The following FSTL5 variants were observed in gnomAD, a reference collection of about 807,000 sequenced individuals.
The protein encoded by FSTL5 is follistatin-related protein 5.
FSTL5 carries 62 observed loss-of-function variants against 89.1 expected under a neutral mutation model. The observed-to-expected ratio is 0.70, with a 90% CI of 0.57 to 0.86. The LOEUF is 0.86. Among genes scored for constraint, FSTL5 ranks in the 40% least tolerant of loss-of-function variants. The probability of loss-of-function intolerance (pLI) is 0.00; values close to 1 mark genes in which losing one functional copy is unlikely to be tolerated. For missense variants in FSTL5, 1,057 were observed against 1,001.6 expected, an observed-to-expected ratio of 1.06 and a Z score of -0.75; for synonymous variants, 383 against 346.2, an observed-to-expected ratio of 1.11 and a Z score of -1.18.
chr4:161,472,138 G>A lies in FSTL5; in HGVS notation c.1608+8882C>T, dbSNP rs184035143. 9.5e-4 allele frequency among the ~76,000 whole-genome samples: 144 copies of A among 151,942 alleles called. 1 individual carries two copies. Among genetic ancestry groups the A allele is most frequent in the African/African-American group, 2.7e-3 (110 of 41,442 alleles). ...ACTACAGGTGCTGGCCACCACGCCC[G>A]GCTAATTTTTTTGTATTTTTAATAG... is the stretch of plus-strand genomic sequence containing the variant. On this transcript the variant is annotated intron_variant, in intron 13 of 15. Coordinates refer to ENST00000306100, the MANE Select transcript of FSTL5 (RefSeq NM_020116.5).
intron 6 of FSTL5, among the ~76,000 whole-genome samples, chr4:161,714,089 T>C (rs1259691285): frequency 6.6e-6 from 1 of 152,176 alleles, no homozygotes; most frequent in Non-Finnish European, 1.5e-5. Flanking sequence ...CTTTTTCTGT[T>C]TGTTGGTCAC....
intron 3 of FSTL5, among the ~76,000 whole-genome samples, chr4:161,935,263 G>C (rs929525227): frequency 6.6e-6 from 1 of 152,028 alleles, no homozygotes; most frequent in African/African-American, 2.4e-5. Context: ...TTGGACACTA[G>C]TAATTCCTAT....
At chr4:161,878,907 A>T (rs1353452908) in intron 4 of FSTL5, among the ~76,000 whole-genome samples, 1 of 152,202 alleles carries the variant, frequency 6.6e-6, no homozygotes, top group Non-Finnish European at 1.5e-5. Context: ...CAGCTTACAT[A>T]TGATGCTACT....
chr4:161,427,087 A>G (rs1340306641), intron 15 of FSTL5, among the ~76,000 whole-genome samples: 1 of 152,234 alleles, frequency 6.6e-6, no homozygotes, highest in East Asian at 1.9e-4. Flanking sequence ...TCTATATTAG[A>G]CACTAATGTT....
intron 15 of FSTL5, among the ~76,000 whole-genome samples, chr4:161,435,661 T>C (rs1409218989): frequency 6.6e-6 from 1 of 151,478 alleles, no homozygotes; most frequent in African/African-American, 2.4e-5. Context: ...TATTATGCAT[T>C]GTATGAATGT....
chr4:161,750,852 T>C (rs1225973304), intron 6 of FSTL5, among the ~76,000 whole-genome samples: 3 of 152,116 alleles, frequency 2.0e-5, no homozygotes, highest in Non-Finnish European at 4.4e-5. Flanking sequence ...TGACTGACAA[T>C]ATATGGTACA....
chr4:161,550,390 T>G (rs1307015308), intron 8 of FSTL5, among the ~76,000 whole-genome samples: 1 of 151,892 alleles, frequency 6.6e-6, no homozygotes, highest in Non-Finnish European at 1.5e-5. Context: ...CAAAAATGAT[T>G]GTCCTAGTAT....
rs1250213331 is a variant in FSTL5, at chr4:161,843,121, A to G, written c.410-67047T>C. 2.0e-5 allele frequency among the ~76,000 whole-genome samples: 3 copies of G among 152,304 alleles called. 1 individual carries two copies. The highest frequency in any genetic ancestry group is 6.5e-5 in the Admixed American group (1 of 15,290). ...ACATTTTGTGAATACAGAATTGAAT[A>G]ACCATCACATTATTCATATAAATTG... On this transcript the variant is annotated intron_variant, in intron 4 of 15. Transcript: ENST00000306100.
chr4:162,009,994 G>T (rs1578943816), intron 3 of FSTL5, among the ~76,000 whole-genome samples: 1 of 146,374 alleles, frequency 6.8e-6, no homozygotes, highest in Non-Finnish European at 1.5e-5. Context: ...AAAAAAAAAA[G>T]AACCTATTAA....
intron 3 of FSTL5, among the ~76,000 whole-genome samples, chr4:162,020,559 A>G (rs1181353799): frequency 6.6e-6 from 1 of 152,080 alleles, no homozygotes; most frequent in Non-Finnish European, 1.5e-5. Flanking sequence ...TTTGACTCTC[A>G]ATTAGAGAAG....
chr4:161,837,277 A>C (rs762754643), intron 4 of FSTL5, among the ~76,000 whole-genome samples: 1 of 152,136 alleles, frequency 6.6e-6, no homozygotes, highest in Non-Finnish European at 1.5e-5. Flanking sequence ...AGAGTCCATG[A>C]AATTGACTAA....
At chr4:161,420,899 A>T (rs1331229096) in intron 15 of FSTL5, among the ~76,000 whole-genome samples, 1 of 151,066 alleles carries the variant, frequency 6.6e-6, no homozygotes, top group Non-Finnish European at 1.5e-5. Context: ...AAATAAATAA[A>T]TATGTATATA....
chr4:162,155,959 G>A (rs1733452805), intron 1 of FSTL5, among the ~76,000 whole-genome samples: 1 of 152,094 alleles, frequency 6.6e-6, no homozygotes, highest in African/African-American at 2.4e-5. Context: ...TGAACACAGT[G>A]GCATTTTAAA....
intron 12 of FSTL5, among the ~76,000 whole-genome samples, chr4:161,494,942 A>T (rs1730011663): frequency 6.6e-6 from 1 of 152,014 alleles, no homozygotes; most frequent in African/African-American, 2.4e-5. Context: ...TGCACTTGTA[A>T]TTTCAGCTAC....
At chr4:161,419,276 AT>A (rs1731899328) in intron 15 of FSTL5, among the ~76,000 whole-genome samples, 1 of 152,054 alleles carries the variant, frequency 6.6e-6, no homozygotes, top group South Asian at 2.1e-4. Flanking sequence ...CATTTAAGTC[AT>A]TTTTCTTCTG....
intron 7 of FSTL5, among the ~76,000 whole-genome samples, chr4:161,644,270 T>A (rs1172011246): frequency 6.6e-6 from 1 of 152,170 alleles, no homozygotes; most frequent in Non-Finnish European, 1.5e-5. Context: ...CTCAAGCCTG[T>A]AATCCCAGCA....
chr4:161,699,835 A>G (rs1023625787), intron 6 of FSTL5, among the ~76,000 whole-genome samples: 4 of 152,202 alleles, frequency 2.6e-5, no homozygotes, highest in African/African-American at 9.7e-5. Context: ...AACCTAGAAC[A>G]GGAAATGAAA....
chr4:162,054,058 C>T (rs1738464456), intron 2 of FSTL5, among the ~76,000 whole-genome samples: 2 of 151,598 alleles, frequency 1.3e-5, no homozygotes, highest in South Asian at 2.1e-4. Context: ...AAATATTTAG[C>T]AAAATGAATG....
chr4:161,773,212 T>C (rs1741273832), intron 5 of FSTL5, among the ~76,000 whole-genome samples: 1 of 152,132 alleles, frequency 6.6e-6, no homozygotes, highest in Non-Finnish European at 1.5e-5. Flanking sequence ...ATCAAGGACA[T>C]AAATCAAAGT....
Sources: allele counts gnomAD v4.1 joint callset (sites outside exome capture counted in the v4.1 genomes callset), GRCh38; gene constraint gnomAD v4.1.1; transcripts MANE v1.5; gene names NCBI Gene and HGNC (gene_info 2026-07-23, HGNC 2026-07-21).